The following AXIN1 variants were observed in gnomAD, a reference collection of about 807,000 sequenced individuals.
AXIN1 encodes the protein axin-1.
In AXIN1, 30 loss-of-function variants were observed where a neutral mutation model predicts 76.4. The observed-to-expected ratio is 0.39, with a 90% CI of 0.29 to 0.53. The LOEUF (loss-of-function observed/expected upper bound fraction) is 0.53. Ranked by LOEUF, AXIN1 falls within the 20% of genes least tolerant of loss-of-function variation. The probability of loss-of-function intolerance (pLI) is 0.66; values close to 1 mark genes in which losing one functional copy is unlikely to be tolerated. For synonymous variants in AXIN1, 545 were observed against 501.4 expected (o/e 1.09, Z -1.16); for missense variants, 1,140 against 1,198.8 (o/e 0.95, Z 0.72).
intron 3 of AXIN1, among the ~76,000 whole-genome samples, chr16:311,023 A>C (rs2053162699): frequency 6.6e-6 from 1 of 152,170 alleles, no homozygotes; most frequent in Non-Finnish European, 1.5e-5. Flanking sequence ...CTCTTTAGCA[A>C]CAGGTTTTCT....
At chr16:343,903 G>A (rs1311142747) in intron 2 of AXIN1, among the ~76,000 whole-genome samples, 2 of 151,682 alleles carry the variant, frequency 1.3e-5, no homozygotes, top group Non-Finnish European at 2.9e-5. Context: ...CTACTCGGGA[G>A]GCAGGAGAAT....
In AXIN1 at chr16:352,474, CGCGGCCCGGG is replaced by C; in HGVS notation, c.-197_-188del. On this transcript the variant is annotated 5_prime_UTR_variant, in exon 1 of 11. The change abolishes the stop of an existing upstream ORF in the 5' untranslated region. Transcript: ENST00000262320. ...CGCGGCGGGCGGGACCCGGCGGGGG[CGCGGCCCGGG>C]GCGGCCCCCATCTCGGCGGCTGCGG... 2 of 958,792 alleles carry C rather than the reference CGCGGCCCGGG, an allele frequency of 2.1e-6. No homozygotes were observed. The highest frequency in any genetic ancestry group is 2.5e-6 in the Non-Finnish European group (2 of 808,932). 59.4% of individuals were successfully genotyped at this position (958,792 alleles called of 1,614,324 possible). A position where few individuals can be genotyped will look rare whatever the true frequency, so the allele number is the denominator to read the frequency against.
chr16:294,751 A>G, intron 7 of AXIN1, among the ~76,000 whole-genome samples: 1 of 94,694 alleles, frequency 1.1e-5, no homozygotes, highest in East Asian at 2.7e-4. Flanking sequence ...GCGAAACCCC[A>G]TCTCAAAAAA....
chr16:291,061 C>A, intron 9 of AXIN1, 129 bp downstream of exon 9: 1 of 866,462 alleles, frequency 1.2e-6, no homozygotes, highest in Non-Finnish European at 1.9e-6. Flanking sequence ...GGGACCCTCT[C>A]CTGCCACAGC....
chr16:306,966 G>T (rs571272339), intron 4 of AXIN1, among the ~76,000 whole-genome samples: 1 of 152,208 alleles, frequency 6.6e-6, no homozygotes, highest in African/African-American at 2.4e-5. Context: ...ACCCTTTCCC[G>T]CTGCACCCGG....
chr16:329,428 T>G (rs1432517156), intron 2 of AXIN1, among the ~76,000 whole-genome samples: 3 of 152,114 alleles, frequency 2.0e-5, no homozygotes, highest in African/African-American at 2.4e-5. Flanking sequence ...TCAGACCATT[T>G]CTTTGTTCTG....
chr16:346,310 G>A lies in AXIN1; in HGVS notation c.716C>T (p.Pro239Leu), dbSNP rs768412292. 8.1e-6 allele frequency: 13 copies of A among 1,614,058 alleles called. No individual in the cohort carries two copies. Among genetic ancestry groups the A allele is most frequent in the Non-Finnish European group, 9.3e-6 (11 of 1,180,032 alleles). Residue 239 changes from proline (P) to leucine (L), a missense_variant, in exon 2 of 11, where the codon CCG becomes CTG. This residue lies in a region of AXIN1 where 708 missense variants were observed against 776.9 expected (regional missense o/e 0.91). Transcript: ENST00000262320. ...GTGKGISGYL[P>L]TLNEDEEWKC... is the part of the protein sequence containing the mutation. The stretch of plus-strand genomic sequence containing the variant: ...CCATTCCTCATCTTCATTTAAGGTC[G>A]GCAGGTATCCAGATATGCCCTTCCC...
At chr16:336,816 CAAAA>C (rs57147459) in intron 2 of AXIN1, among the ~76,000 whole-genome samples, 1 of 77,076 alleles carries the variant, frequency 1.3e-5, no homozygotes. Flanking sequence ...GACTCCGCCT[CAAAA>C]AAAAAAAAAA....
chr16:337,641 C>CGGCCACCT (rs917377901), intron 2 of AXIN1, among the ~76,000 whole-genome samples: 1 of 152,232 alleles, frequency 6.6e-6, no homozygotes, highest in Admixed American at 6.5e-5. Flanking sequence ...CCCAGCTACC[C>CGGCCACCT]GGCCACCTGG....
chr16:297,728 G>A lies in AXIN1; in HGVS notation c.1778C>T (p.Ala593Val), dbSNP rs2052752971. 1.3e-6 allele frequency: 2 copies of A among 1,597,732 alleles called. No homozygotes were observed. The highest frequency in any genetic ancestry group is 1.7e-6 in the Non-Finnish European group (2 of 1,175,206). ...GAAPNASDGL[A>V]HSGKVGVACK... is the part of the protein sequence containing the mutation. The stretch of plus-strand genomic sequence containing the variant: ...CTGACAGGCGCACGCTCACCTGTGG[G>A]CGAGGCCATCACTGGCGTTGGGGGC... The change falls in exon 6 of 11, where the codon GCC becomes GTC. Residue 593 changes from alanine (A) to valine (V), a missense_variant. Physicochemically the swap from Ala to Val is moderately conservative, Grantham distance 64. This residue lies in a region of AXIN1 where 429 missense variants were observed against 405.8 expected (regional missense o/e 1.06). Coordinates refer to ENST00000262320, the MANE Select transcript of AXIN1 (RefSeq NM_003502.4).
At chr16:328,324 C>A (rs2053622568) in intron 2 of AXIN1, among the ~76,000 whole-genome samples, 1 of 152,054 alleles carries the variant, frequency 6.6e-6, no homozygotes, top group South Asian at 2.1e-4. Flanking sequence ...GCCCAGGAGG[C>A]TGAGGCTGCA....
chr16:325,142 G>A (rs1333386055), intron 2 of AXIN1, among the ~76,000 whole-genome samples: 2 of 152,110 alleles, frequency 1.3e-5, no homozygotes, highest in African/African-American at 4.8e-5. Context: ...CATCGCCTCA[G>A]CCCCGCGGGC....
At chr16:297,582 A>C in intron 6 of AXIN1, 140 bp downstream of exon 6, 3 of 1,267,808 alleles carry the variant, frequency 2.4e-6, no homozygotes. Flanking sequence ...CCCAGGGCCC[A>C]GTCCACTCCC....
intron 10 of AXIN1, 180 bp from the exon 11 acceptor site, chr16:288,428 G>T: frequency 1.1e-6 from 1 of 885,362 alleles, no homozygotes; most frequent in Non-Finnish European, 1.8e-6. Context: ...GACCACATGT[G>T]GGTGAAGTGG....
intron 3 of AXIN1, among the ~76,000 whole-genome samples, chr16:314,270 C>T (rs1284571304): frequency 6.6e-6 from 1 of 152,244 alleles, no homozygotes; most frequent in Non-Finnish European, 1.5e-5. Context: ...TGCGGTACAG[C>T]CTGCCTGCAT....
intron 4 of AXIN1, among the ~76,000 whole-genome samples, chr16:307,902 A>C (rs2053070248): frequency 6.6e-6 from 1 of 152,188 alleles, no homozygotes; most frequent in African/African-American, 2.4e-5. Context: ...AGCAGTGAGC[A>C]GGCCCCGGGC....
chr16:318,886 A>G (rs113906951), intron 2 of AXIN1, among the ~76,000 whole-genome samples: 351 of 76,878 alleles, frequency 4.6e-3, no homozygotes, highest in South Asian at 0.011. Flanking sequence ...CTGGCTGTGC[A>G]GAGAGAATGC....
chr16:326,370 AAAAT>A (rs1392659793), intron 2 of AXIN1, among the ~76,000 whole-genome samples: 1,517 of 92,810 alleles, frequency 0.016, 13 homozygotes, highest in African/African-American at 0.044. Flanking sequence ...AAAAAAAAAA[AAAAT>A]ATATATATAT....
At chr16:310,162 C>T in intron 3 of AXIN1, 93 bp from the exon 4 acceptor site, 1 of 1,204,468 alleles carries the variant, frequency 8.3e-7, no homozygotes, top group African/African-American at 1.5e-5. Flanking sequence ...CGCCGGTCAG[C>T]AGGCAATGAT....
Sources: gnomAD v4.1 joint callset for allele counts (sites outside exome capture counted in the v4.1 genomes callset) on GRCh38, gnomAD v4.1.1 for gene constraint, gnomAD v4.1.1 regional missense constraint, MANE v1.5 for transcripts, NCBI Gene and HGNC (gene_info 2026-07-23, HGNC 2026-07-21) for gene names.